Variants in SORCS2 observed in about 807,000 individuals in gnomAD.
SORCS2 encodes sortilin related VPS10 domain containing receptor 2.
Under a neutral mutation model 141.6 loss-of-function variants are expected in SORCS2, and 100 were observed. The ratio of observed to expected loss-of-function variants is 0.71; its 90% CI spans 0.60 to 0.83. The LOEUF (loss-of-function observed/expected upper bound fraction) is 0.83. Ranked by LOEUF, SORCS2 falls within the 40% of genes least tolerant of loss-of-function variation. The probability of loss-of-function intolerance (pLI) is 0.00; values close to 1 mark genes in which losing one functional copy is unlikely to be tolerated. For missense variants in SORCS2, 1,646 were observed against 1,560.2 expected (o/e 1.05, Z -0.93); for synonymous variants, 789 against 676.9 (o/e 1.17, Z -2.57).
intron 1 of SORCS2, among the ~76,000 whole-genome samples, chr4:7,243,073 G>A (rs1445838267): frequency 6.6e-6 from 1 of 152,160 alleles, no homozygotes; most frequent in Non-Finnish European, 1.5e-5. Flanking sequence ...CGGCGCCCTG[G>A]TGAGGTGCTG....
chr4:7,656,513 G>A (rs1721789801), intron 5 of SORCS2, among the ~76,000 whole-genome samples: 1 of 152,184 alleles, frequency 6.6e-6, no homozygotes, highest in Non-Finnish European at 1.5e-5. Context: ...TAGGTCTCAT[G>A]TCACAGGAGG....
At chr4:7,627,385 G>C (rs1170901488) in intron 3 of SORCS2, among the ~76,000 whole-genome samples, 1 of 152,168 alleles carries the variant, frequency 6.6e-6, no homozygotes, top group Non-Finnish European at 1.5e-5. Context: ...AGGATGGATG[G>C]GTGATGCTGC....
chr4:7,459,367 C>T (rs565586198), intron 2 of SORCS2, among the ~76,000 whole-genome samples: 1 of 152,132 alleles, frequency 6.6e-6, no homozygotes, highest in East Asian at 1.9e-4. Context: ...GGGTCAGGCA[C>T]AGAAAGGCGG....
At chr4:7,661,654 G>C in intron 6 of SORCS2, 90 bp downstream of exon 6, 1 of 1,200,060 alleles carries the variant, frequency 8.3e-7, no homozygotes, top group South Asian at 1.3e-5. Context: ...TCGCTTGTCC[G>C]CAATGGCTGG....
intron 2 of SORCS2, among the ~76,000 whole-genome samples, chr4:7,476,172 A>G (rs1056730786): frequency 1.3e-5 from 2 of 152,248 alleles, no homozygotes; most frequent in African/African-American, 4.8e-5. Flanking sequence ...GTTAGGAAGG[A>G]TAGCCAGGAA....
At chr4:7,442,897 G>A (rs1360968630) in intron 2 of SORCS2, among the ~76,000 whole-genome samples, 1 of 152,044 alleles carries the variant, frequency 6.6e-6, no homozygotes, top group East Asian at 2.0e-4. Context: ...AGTGTTGGCG[G>A]GGCCGTGCTC....
At chr4:7,241,548 A>G (rs1180084921) in intron 1 of SORCS2, among the ~76,000 whole-genome samples, 4 of 151,978 alleles carry the variant, frequency 2.6e-5, no homozygotes, top group African/African-American at 4.8e-5. Context: ...GGCCTGGTGC[A>G]TGGTTGTGAT....
At chr4:7,380,067 A>C (rs981764073) in intron 1 of SORCS2, among the ~76,000 whole-genome samples, 1 of 152,034 alleles carries the variant, frequency 6.6e-6, no homozygotes, top group Non-Finnish European at 1.5e-5. Context: ...AACAATGGCC[A>C]TTTCTTCAAA....
intron 1 of SORCS2, among the ~76,000 whole-genome samples, chr4:7,357,968 CTG>C (rs1366166414): frequency 1.3e-5 from 2 of 152,184 alleles, no homozygotes; most frequent in African/African-American, 4.8e-5. Context: ...AGGTGGGCCT[CTG>C]GGGTCTGCAC....
At chr4:7,697,676 G>T (rs879779039) in intron 12 of SORCS2, among the ~76,000 whole-genome samples, 1 of 152,182 alleles carries the variant, frequency 6.6e-6, no homozygotes, top group Admixed American at 6.5e-5. Flanking sequence ...GGCTCTTTTG[G>T]GAGCCCAGAG....
chr4:7,487,321 C>A (rs7695291), intron 2 of SORCS2, among the ~76,000 whole-genome samples: 60,796 of 152,134 alleles, frequency 0.4, 12,828 homozygotes, highest in Middle Eastern at 0.47. Flanking sequence ...ACCAGAGGAT[C>A]CTGAAGTGGG....
At chr4:7,671,497 T>G (rs1722796335) in intron 8 of SORCS2, among the ~76,000 whole-genome samples, 1 of 151,358 alleles carries the variant, frequency 6.6e-6, no homozygotes, top group African/African-American at 2.4e-5. Flanking sequence ...AAAATGGAAA[T>G]AGCAATAAAG....
chr4:7,352,011 C>T (rs919953345), intron 1 of SORCS2, among the ~76,000 whole-genome samples: 4 of 152,018 alleles, frequency 2.6e-5, no homozygotes, highest in African/African-American at 7.2e-5. Context: ...CCCATCCACC[C>T]CTTAATCCAT....
At position 7,648,233 on chromosome 4, in the gene SORCS2, A is replaced by T. The variant is rs181517686; in HGVS notation, c.814-5901A>T. On this transcript the variant is annotated intron_variant, in intron 4 of 26. Transcript: ENST00000507866. The surrounding 1 kb of genome is among the most constrained non-coding windows in gnomAD (Gnocchi z 4.2). ...AGGAGGAAGACACGGAGGCTGGAGG[A>T]GCAGGGCTGGTTGAGAAAGGAGCCA... 3.9e-3 allele frequency among the ~76,000 whole-genome samples: 595 copies of T among 152,164 alleles called. No homozygotes were observed. The highest frequency in any genetic ancestry group is 6.2e-3 in the Non-Finnish European group (424 of 67,994).
intron 2 of SORCS2, among the ~76,000 whole-genome samples, chr4:7,404,565 C>T (rs1207897897): frequency 6.6e-6 from 1 of 152,028 alleles, no homozygotes; most frequent in African/African-American, 2.4e-5. Context: ...AAGATGATAT[C>T]TTATTGTGGA....
At chr4:7,479,923 T>C (rs1291839882) in intron 2 of SORCS2, among the ~76,000 whole-genome samples, 2 of 152,234 alleles carry the variant, frequency 1.3e-5, no homozygotes, top group African/African-American at 2.4e-5. Flanking sequence ...GGCAGCCCTG[T>C]CCTCCGGGCT....
At chr4:7,309,475 G>A (rs565445007) in intron 1 of SORCS2, among the ~76,000 whole-genome samples, 1 of 152,272 alleles carries the variant, frequency 6.6e-6, no homozygotes, top group Admixed American at 6.5e-5. Context: ...TTGGACTTGA[G>A]CAGAGGGGCC....
chr4:7,257,807 C>T (rs1444679935), intron 1 of SORCS2, among the ~76,000 whole-genome samples: 1 of 152,256 alleles, frequency 6.6e-6, no homozygotes, highest in Non-Finnish European at 1.5e-5. Context: ...CCACAGCTTG[C>T]TTACCTGGCC....
At chr4:7,585,532 T>C (rs1312792740) in intron 3 of SORCS2, among the ~76,000 whole-genome samples, 3 of 152,232 alleles carry the variant, frequency 2.0e-5, no homozygotes, top group Admixed American at 6.5e-5. Flanking sequence ...ATCACAGGAC[T>C]ATCAGGGGAC....
Sources: allele counts gnomAD v4.1 joint callset (sites outside exome capture counted in the v4.1 genomes callset), GRCh38; gene constraint gnomAD v4.1.1; non-coding constraint Gnocchi (gnomAD v3.1); transcripts MANE v1.5; gene names NCBI Gene and HGNC (gene_info 2026-07-23, HGNC 2026-07-21).